Variants in HDAC9 observed in about 807,000 individuals in gnomAD.
HDAC9 encodes the protein MEF-2 interacting transcription repressor (MITR) protein.
In HDAC9, 41 loss-of-function variants were observed where a neutral mutation model predicts 139.4. The ratio of observed to expected loss-of-function variants is 0.29; its 90% CI spans 0.23 to 0.38. The LOEUF (loss-of-function observed/expected upper bound fraction) is 0.38. Among genes scored for constraint, HDAC9 ranks in the 10% least tolerant of loss-of-function variants. The pLI, the probability that HDAC9 is intolerant of heterozygous loss-of-function variation, is 1.00. For missense variants in HDAC9, 1,147 were observed against 1,297.0 expected (o/e 0.88, Z 1.78); for synonymous variants, 517 against 476.2 (o/e 1.09, Z -1.12).
At chr7:18,609,110 A>G (rs1836368273) in intron 6 of HDAC9, among the ~76,000 whole-genome samples, 1 of 152,184 alleles carries the variant, frequency 6.6e-6, no homozygotes, top group African/African-American at 2.4e-5. Flanking sequence ...GGTAATTAAG[A>G]GAAATTCTTG....
chr7:18,415,494 G>A (rs556076135), intron 1 of HDAC9, among the ~76,000 whole-genome samples: 2 of 152,276 alleles, frequency 1.3e-5, no homozygotes, highest in African/African-American at 4.8e-5. Context: ...AAGATGATTA[G>A]TGTAATACTT....
At chr7:18,260,291 T>G (rs958760381) in intron 2 of HDAC9, among the ~76,000 whole-genome samples, 2 of 151,392 alleles carry the variant, frequency 1.3e-5, no homozygotes, top group African/African-American at 2.4e-5. Flanking sequence ...GTGCTAATTC[T>G]GTGACAGACA....
At chr7:18,995,247 T>C (rs1354167096) in intron 25 of HDAC9, among the ~76,000 whole-genome samples, 1 of 152,214 alleles carries the variant, frequency 6.6e-6, no homozygotes, top group Non-Finnish European at 1.5e-5. Flanking sequence ...ACCCGGCATC[T>C]CATATCCCAG....
chr7:18,708,624 G>T (rs1447466018), intron 12 of HDAC9, among the ~76,000 whole-genome samples: 1 of 152,168 alleles, frequency 6.6e-6, no homozygotes, highest in Admixed American at 6.5e-5. Context: ...TGGAAGCCAG[G>T]TGAGGTCTAC....
chr7:18,151,436 G>A (rs756847181), intron 1 of HDAC9, among the ~76,000 whole-genome samples: 24 of 152,186 alleles, frequency 1.6e-4, no homozygotes, highest in Non-Finnish European at 5.9e-5. Flanking sequence ...GCTTAATCAA[G>A]TAGCCTGTTT....
At chr7:18,497,624 ATTC>A (rs1052059176) in intron 2 of HDAC9, among the ~76,000 whole-genome samples, 1 of 152,170 alleles carries the variant, frequency 6.6e-6, no homozygotes, top group Non-Finnish European at 1.5e-5. Flanking sequence ...AGTACAGTTT[ATTC>A]TTATAGCTGC....
Position 18,442,691 on chromosome 7 carries a change from C to G in HDAC9, c.-41-53571C>G, listed in dbSNP as rs1791900419. On this transcript the variant is annotated intron_variant, in intron 1 of 3. Coordinates refer to the HDAC9 transcript ENST00000413509. Reference sequence around the variant, plus strand: ...GAAAGGAGTTTATACTGTCTTACTACTTTACAATATCTATTTGTAATTCTT... The same window carrying G: ...GAAAGGAGTTTATACTGTCTTACTAGTTTACAATATCTATTTGTAATTCTT... 2.0e-5 allele frequency among the ~76,000 whole-genome samples: 3 copies of G among 152,166 alleles called. 1 individual carries two copies. Among genetic ancestry groups the G allele is most frequent in the Admixed American group, 6.5e-5 (1 of 15,282 alleles).
chr7:18,417,107 C>G (rs1789144891), intron 1 of HDAC9, among the ~76,000 whole-genome samples: 1 of 152,178 alleles, frequency 6.6e-6, no homozygotes, highest in Non-Finnish European at 1.5e-5. Flanking sequence ...CCAGGGCCCA[C>G]TGACTTTTTA....
At chr7:18,543,690 T>C (rs775991966) in intron 2 of HDAC9, 1 of 152,090 alleles carries the variant, frequency 6.6e-6, no homozygotes, top group Non-Finnish European at 1.5e-5. Flanking sequence ...ATTTTCCTGC[T>C]CTCGTGGGGC....
At chr7:18,507,556 G>T (rs1341766838) in intron 2 of HDAC9, among the ~76,000 whole-genome samples, 1 of 151,930 alleles carries the variant, frequency 6.6e-6, no homozygotes, top group Admixed American at 6.6e-5. Flanking sequence ...GTGCAATGGC[G>T]CCCTCTTGGG....
At chr7:18,932,334 G>A (rs1226195463) in intron 22 of HDAC9, among the ~76,000 whole-genome samples, 1 of 152,124 alleles carries the variant, frequency 6.6e-6, no homozygotes, top group Middle Eastern at 3.4e-3. Flanking sequence ...TCTAAATGTT[G>A]AATGAGAAAC....
At chr7:18,169,606 C>T (rs1788264576) in intron 2 of HDAC9, among the ~76,000 whole-genome samples, 1 of 152,076 alleles carries the variant, frequency 6.6e-6, no homozygotes, top group Non-Finnish European at 1.5e-5. Context: ...GCTATCCCTC[C>T]CCCTGTCCCC....
intron 1 of HDAC9, among the ~76,000 whole-genome samples, chr7:18,475,148 G>T (rs1007869825): frequency 1.3e-5 from 2 of 152,188 alleles, no homozygotes; most frequent in African/African-American, 4.8e-5. Flanking sequence ...TCTTGTGGTG[G>T]TCAGTGACCA....
chr7:18,680,743 A>G (rs541244226), intron 12 of HDAC9, among the ~76,000 whole-genome samples: 4 of 152,152 alleles, frequency 2.6e-5, no homozygotes, highest in East Asian at 1.9e-4. Context: ...AATTAGCCCA[A>G]TCACGTGCCA....
At chr7:18,985,223 C>G (rs1270844550) in intron 25 of HDAC9, among the ~76,000 whole-genome samples, 2 of 152,086 alleles carry the variant, frequency 1.3e-5, no homozygotes, top group African/African-American at 4.8e-5. Flanking sequence ...TCCCTACCCC[C>G]CCAACCCCAC....
chr7:18,271,935 A>T (rs1304272871), intron 2 of HDAC9, among the ~76,000 whole-genome samples: 2 of 152,218 alleles, frequency 1.3e-5, no homozygotes, highest in Non-Finnish European at 2.9e-5. Flanking sequence ...GAAGGAAGGA[A>T]TCTGTTCCAA....
intron 2 of HDAC9, among the ~76,000 whole-genome samples, chr7:18,198,353 A>G (rs1423791651): frequency 6.6e-6 from 1 of 152,166 alleles, no homozygotes; most frequent in East Asian, 1.9e-4. Context: ...TATCAACACC[A>G]TAGAGAAATT....
chr7:18,385,199 G>A (rs1284199063), intron 1 of HDAC9, among the ~76,000 whole-genome samples: 1 of 152,130 alleles, frequency 6.6e-6, no homozygotes, highest in Non-Finnish European at 1.5e-5. Context: ...AAGAGGCAAA[G>A]TGATGGAATC....
At chr7:18,856,283 CTA>C (rs1797672920) in intron 21 of HDAC9, among the ~76,000 whole-genome samples, 1 of 152,106 alleles carries the variant, frequency 6.6e-6, no homozygotes, top group South Asian at 2.1e-4. Flanking sequence ...ATCTTAGAAA[CTA>C]TGAGTATTAT....
Sources: gnomAD v4.1 joint callset for allele counts (sites outside exome capture counted in the v4.1 genomes callset) on GRCh38, gnomAD v4.1.1 for gene constraint, MANE v1.5 for transcripts, NCBI Gene and HGNC (gene_info 2026-07-23, HGNC 2026-07-21) for gene names.